The following U2SURP variants were observed in gnomAD, a reference collection of about 807,000 sequenced individuals.
The protein encoded by U2SURP is U2 snRNP-associated SURP motif-containing protein.
Under a neutral mutation model 144.9 loss-of-function variants are expected in U2SURP, and 9 were observed. The ratio of observed to expected loss-of-function variants is 0.06; its 90% confidence interval spans 0.04 to 0.11. The LOEUF (loss-of-function observed/expected upper bound fraction) is 0.11, where lower values mean the gene tolerates loss of function less well. Ranked by LOEUF, U2SURP falls within the 10% of genes least tolerant of loss-of-function variation. U2SURP has a pLI of 1.00. For missense variants in U2SURP, 724 were observed against 1,226.7 expected, an observed-to-expected ratio of 0.59 and a Z score of 6.12; for synonymous variants, 408 against 396.8, an observed-to-expected ratio of 1.03 and a Z score of -0.33.
At chr3:143,047,140 A>C (rs1327146069) in intron 24 of U2SURP, among the ~76,000 whole-genome samples, 6 of 47,522 alleles carry the variant, frequency 1.3e-4, no homozygotes, top group Non-Finnish European at 1.9e-4. Context: ...GGCGCCCCTC[A>C]CCTCCCGGAC....
intron 24 of U2SURP, among the ~76,000 whole-genome samples, chr3:143,045,136 C>T (rs929480307): frequency 6.6e-6 from 1 of 151,952 alleles, no homozygotes; most frequent in Non-Finnish European, 1.5e-5. Context: ...TTTGGGAGGT[C>T]GAGGCGGGTG....
intron 13 of U2SURP, chr3:143,024,587 T>G (rs948446799): frequency 1.5e-5 from 6 of 411,940 alleles, no homozygotes; most frequent in African/African-American, 8.5e-5. Context: ...TTCCTTTTTT[T>G]CTCTTTCAAC....
chr3:143,039,114 A>C (rs1454308079), intron 23 of U2SURP, among the ~76,000 whole-genome samples, 154 bp downstream of exon 23: 1 of 151,956 alleles, frequency 6.6e-6, no homozygotes, highest in African/African-American at 2.4e-5. Flanking sequence ...TTTTCCAGTG[A>C]ATAAAGAGCT....
intron 6 of U2SURP, chr3:143,017,196 TTGCTATTTA>T: frequency 2.5e-6 from 1 of 393,792 alleles, no homozygotes; most frequent in Non-Finnish European, 4.5e-6. Context: ...CAGTGAACAT[TTGCTATTTA>T]TGCTCATAAT....
At chr3:143,039,746 TATGGGCATTTGTGTGGATTTAATAA>T (rs537255353) in intron 23 of U2SURP, among the ~76,000 whole-genome samples, 15 of 151,900 alleles carry the variant, frequency 9.9e-5, no homozygotes, top group African/African-American at 3.4e-4. Flanking sequence ...CCTAGCACAA[TATGGGCATTTGTGTGGATTTAATAA>T]ATGGGCATTT....
chr3:143,054,485 A>G (rs1935048137), intron 26 of U2SURP, among the ~76,000 whole-genome samples: 1 of 152,320 alleles, frequency 6.6e-6, no homozygotes, highest in Middle Eastern at 3.4e-3. Flanking sequence ...GATTTATAGG[A>G]AAGTTGCAAG....
At chr3:143,028,741 A>T (rs927724402) in intron 16 of U2SURP, 95 bp downstream of exon 16, 2 of 1,105,624 alleles carry the variant, frequency 1.8e-6, no homozygotes, top group Non-Finnish European at 2.5e-6. Flanking sequence ...CCTAAAATAA[A>T]TTTTTTTCAC....
intron 25 of U2SURP, 59 bp downstream of exon 25, chr3:143,051,108 A>G (rs1484256503): frequency 9.8e-7 from 1 of 1,021,126 alleles, no homozygotes; most frequent in Non-Finnish European, 1.5e-6. Context: ...TTGACTTCCT[A>G]GAATACTGGT....
chr3:143,010,673 CAG>C lies in U2SURP; in HGVS notation c.46-138_46-137del, dbSNP rs1578113922. The C allele has an allele frequency of 1.2e-5, 6 of 498,908 alleles. No individual in the cohort carries two copies. In the East Asian group the frequency reaches 1.6e-4, roughly 13 times the overall value. 30.9% of individuals were successfully genotyped at this position (498,908 alleles called of 1,614,324 possible). ...TTTGTATCACAATCTTTTCATAAGTCAGAGACTGCCTTTGCTCAGTTTTATTA... is the reference window on the plus strand; with the variant it reads ...TTTGTATCACAATCTTTTCATAAGTCAGACTGCCTTTGCTCAGTTTTATTA... On this transcript the variant is annotated intron_variant, in intron 1 of 27. Transcript: ENST00000473835.
In U2SURP at chr3:143,033,268, T is replaced by C; in HGVS notation, c.1774-3T>C. 2.0e-6 allele frequency: 3 copies of C among 1,521,828 alleles called. No individual in the cohort carries two copies. The highest frequency in any genetic ancestry group is 1.2e-5 in the South Asian group (1 of 82,980). 94.3% of individuals were successfully genotyped at this position (1,521,828 alleles called of 1,614,324 possible). A position where few individuals can be genotyped will look rare whatever the true frequency, so the allele number is the denominator to read the frequency against. ...TATTTTGTGTTATCTTTTGATATTA[T>C]AGATTGCCAGATTATATTTGGTTTC... On this transcript the variant is annotated splice_polypyrimidine_tract_variant and splice_region_variant and intron_variant, in intron 17 of 27. Coordinates refer to ENST00000473835, the MANE Select transcript of U2SURP (RefSeq NM_001080415.2).
intron 1 of U2SURP, among the ~76,000 whole-genome samples, chr3:143,009,727 C>G (rs754139207): frequency 6.6e-6 from 1 of 152,150 alleles, no homozygotes; most frequent in Non-Finnish European, 1.5e-5. Context: ...TAAATTGATT[C>G]AGTGTAAAAA....
At chr3:143,054,851 G>T (rs1215132376) in intron 26 of U2SURP, 92 bp from the exon 27 acceptor site, 1 of 1,292,050 alleles carries the variant, frequency 7.7e-7, no homozygotes, top group Non-Finnish European at 1.0e-6. Context: ...AAAAGAGTAA[G>T]CTGGTAGCAA....
At chr3:143,051,111 A>G (rs1934832154) in intron 25 of U2SURP, 62 bp downstream of exon 25, 1 of 958,322 alleles carries the variant, frequency 1.0e-6, no homozygotes, top group Non-Finnish European at 1.6e-6. Flanking sequence ...ACTTCCTAGA[A>G]TACTGGTATA....
chr3:143,047,261 C>T (rs1311777752), intron 24 of U2SURP, among the ~76,000 whole-genome samples: 1 of 72,438 alleles, frequency 1.4e-5, no homozygotes, highest in Non-Finnish European at 2.4e-5. Flanking sequence ...GGCGGCCGGC[C>T]TGGCGGGGGG....
chr3:143,020,149 A>T (rs530650594), intron 7 of U2SURP, 113 bp downstream of exon 7: 1 of 605,210 alleles, frequency 1.7e-6, no homozygotes, highest in Non-Finnish European at 2.6e-6. Context: ...CCAGTTTGCT[A>T]TGAGATTGTT....
At chr3:143,047,185 ACCTC>A (rs1215552888) in intron 24 of U2SURP, among the ~76,000 whole-genome samples, 1 of 76,420 alleles carries the variant, frequency 1.3e-5, no homozygotes, top group African/African-American at 7.3e-5. Flanking sequence ...TGATCCCCCC[ACCTC>A]CCTCCCGGAC....
intron 16 of U2SURP, among the ~76,000 whole-genome samples, chr3:143,029,184 A>G (rs1489238827): frequency 1.3e-5 from 2 of 152,200 alleles, no homozygotes; most frequent in Non-Finnish European, 2.9e-5. Context: ...TGTTCAGAGG[A>G]CATCCTGTAT....
chr3:143,035,025 G>A (rs1226894732), intron 19 of U2SURP, 50 bp downstream of exon 19: 1 of 287,830 alleles, frequency 3.5e-6, no homozygotes, highest in Non-Finnish European at 7.3e-6. Flanking sequence ...AATGGGTGGG[G>A]GGAGGGCATT....
intron 24 of U2SURP, among the ~76,000 whole-genome samples, chr3:143,043,711 T>TTATATATA (rs1934243633): frequency 1.2e-5 from 1 of 80,686 alleles, no homozygotes; most frequent in South Asian, 3.4e-4. Context: ...AATGTATAGA[T>TTATATATA]TATATGTATA....
Sources: allele counts gnomAD v4.1 joint callset (sites outside exome capture counted in the v4.1 genomes callset), GRCh38; gene constraint gnomAD v4.1.1; transcripts MANE v1.5; gene names NCBI Gene and HGNC (gene_info 2026-07-23, HGNC 2026-07-21).